The following KIAA1217 variants were observed in gnomAD, a reference collection of about 807,000 sequenced individuals.
KIAA1217 encodes sickle tail protein homolog.
KIAA1217 carries 88 observed loss-of-function variants against 163.9 expected under a neutral mutation model. The observed-to-expected ratio is 0.54, with a 90% CI of 0.45 to 0.64. The LOEUF is 0.64. Among genes scored for constraint, KIAA1217 ranks in the 30% least tolerant of loss-of-function variants. The probability of loss-of-function intolerance (pLI) is 0.00; values close to 1 mark genes in which losing one functional copy is unlikely to be tolerated. For missense variants in KIAA1217, 2,372 were observed against 2,475.0 expected, an observed-to-expected ratio of 0.96 and a Z score of 0.88; for synonymous variants, 903 against 923.1, an observed-to-expected ratio of 0.98 and a Z score of 0.39.
chr10:23,907,337 GGAGA>G, intron 1 of KIAA1217, among the ~76,000 whole-genome samples: 1 of 149,556 alleles, frequency 6.7e-6, no homozygotes, highest in African/African-American at 2.4e-5. Flanking sequence ...AGAGAGAGAT[GGAGA>G]GAGAGAGAAG....
intron 6 of KIAA1217, chr10:24,481,565 A>G (rs1390576863): frequency 6.6e-6 from 1 of 152,192 alleles, no homozygotes; most frequent in African/African-American, 2.4e-5. Flanking sequence ...CCTTGAAAAC[A>G]ATGAGGAACG....
At chr10:24,298,028 GT>G (rs534427683) in intron 2 of KIAA1217, among the ~76,000 whole-genome samples, 362 of 152,108 alleles carry the variant, frequency 2.4e-3, no homozygotes, top group African/African-American at 8.6e-3. Context: ...GTGAAAAAGT[GT>G]TTTTATTAAT....
intron 1 of KIAA1217, among the ~76,000 whole-genome samples, chr10:23,798,014 T>G (rs570811546): frequency 1.3e-5 from 2 of 152,312 alleles, no homozygotes; most frequent in South Asian, 4.1e-4. Context: ...AATTCTTTTT[T>G]TAGTCACAAG....
At chr10:23,835,917 T>A (rs1304910307) in intron 1 of KIAA1217, among the ~76,000 whole-genome samples, 1 of 152,166 alleles carries the variant, frequency 6.6e-6, no homozygotes, top group Non-Finnish European at 1.5e-5. Flanking sequence ...GAACTCCTGT[T>A]ATGGGATGGA....
chr10:23,935,891 C>G (rs1266484453), intron 1 of KIAA1217, among the ~76,000 whole-genome samples: 1 of 152,088 alleles, frequency 6.6e-6, no homozygotes, highest in African/African-American at 2.4e-5. Context: ...AGGGTCCCAA[C>G]AGAAAACAGA....
intron 2 of KIAA1217, among the ~76,000 whole-genome samples, chr10:24,120,865 G>A (rs984684939): frequency 6.6e-6 from 1 of 152,132 alleles, no homozygotes; most frequent in African/African-American, 2.4e-5. Flanking sequence ...ACATCCTGTG[G>A]TACAAGGAGA....
At chr10:23,934,221 G>C (rs536442162) in intron 1 of KIAA1217, among the ~76,000 whole-genome samples, 1 of 152,162 alleles carries the variant, frequency 6.6e-6, no homozygotes, top group African/African-American at 2.4e-5. Context: ...AAAAGAATGA[G>C]ATCATGTCCT....
chr10:24,466,722 T>C, intron 5 of KIAA1217: 1 of 985,466 alleles, frequency 1.0e-6, no homozygotes, highest in Non-Finnish European at 1.2e-6. Context: ...AAAGGAATCA[T>C]GTAATCAGGA....
rs147213392 is a variant in KIAA1217 at position 24,486,394 on chromosome 10, A to G, written c.1680-8106A>G. The stretch of plus-strand genomic sequence containing the variant: ...AGGGTATCCCTATTGTCCTTGTACA[A>G]TACTTGCAATGACCAATGGCTCCCC... On this transcript the variant is annotated intron_variant, in intron 6 of 20. Coordinates refer to ENST00000376454, the MANE Select transcript of KIAA1217 (RefSeq NM_019590.5). 7.9e-4 allele frequency among the ~76,000 whole-genome samples: 120 copies of G among 152,290 alleles called. No homozygotes were observed. In the South Asian group the frequency reaches 8.3e-3, roughly 11 times the overall value.
intron 2 of KIAA1217, among the ~76,000 whole-genome samples, chr10:24,278,405 G>C (rs569118216): frequency 4.6e-5 from 7 of 152,340 alleles, no homozygotes; most frequent in Admixed American, 2.6e-4. Context: ...GTGTGGCTTA[G>C]AGAAAGCTGT....
chr10:24,269,256 T>TAATC (rs2076551648), intron 2 of KIAA1217, among the ~76,000 whole-genome samples: 1 of 148,440 alleles, frequency 6.7e-6, no homozygotes, highest in African/African-American at 2.5e-5. Flanking sequence ...GGCGCAGTGG[T>TAATC]TCACACTTGT....
chr10:24,079,126 C>A (rs2131648035), intron 2 of KIAA1217, among the ~76,000 whole-genome samples: 1 of 152,332 alleles, frequency 6.6e-6, no homozygotes, highest in South Asian at 2.1e-4. Context: ...ACTTCACCCT[C>A]CATTACTGGA....
chr10:24,270,337 A>C (rs1437591714), intron 2 of KIAA1217, among the ~76,000 whole-genome samples: 2 of 152,126 alleles, frequency 1.3e-5, no homozygotes, highest in Admixed American at 1.3e-4. Context: ...TCCCCCACTT[A>C]CTGGGTTTCC....
At chr10:24,536,589 C>T (rs1205262633) in intron 16 of KIAA1217, among the ~76,000 whole-genome samples, 185 bp from the exon 17 acceptor site, 2 of 152,120 alleles carry the variant, frequency 1.3e-5, no homozygotes, top group African/African-American at 4.8e-5. Flanking sequence ...GACTCTGCCT[C>T]CAAGCCAGCT....
At chr10:24,063,701 G>A (rs2060823821) in intron 2 of KIAA1217, among the ~76,000 whole-genome samples, 1 of 152,142 alleles carries the variant, frequency 6.6e-6, no homozygotes, top group Non-Finnish European at 1.5e-5. Flanking sequence ...GCTTGATGGG[G>A]ATGGCACTGA....
At chr10:23,945,572 C>G (rs2131343597) in intron 1 of KIAA1217, among the ~76,000 whole-genome samples, 1 of 152,212 alleles carries the variant, frequency 6.6e-6, no homozygotes, top group South Asian at 2.1e-4. Flanking sequence ...TATCAAAACT[C>G]AACACATTTT....
At chr10:23,981,258 A>G (rs902794265) in intron 1 of KIAA1217, among the ~76,000 whole-genome samples, 1 of 152,220 alleles carries the variant, frequency 6.6e-6, no homozygotes, top group African/African-American at 2.4e-5. Context: ...TGAAATTATA[A>G]TACTTTAGAT....
intron 1 of KIAA1217, among the ~76,000 whole-genome samples, chr10:23,923,279 C>A (rs1042747078): frequency 6.6e-6 from 1 of 152,156 alleles, no homozygotes; most frequent in Admixed American, 6.5e-5. Flanking sequence ...CATATTTTTG[C>A]AATTGCAAAT....
At chr10:23,763,954 A>G (rs1201336083) in intron 1 of KIAA1217, among the ~76,000 whole-genome samples, 3 of 152,232 alleles carry the variant, frequency 2.0e-5, no homozygotes, top group Non-Finnish European at 4.4e-5. Flanking sequence ...AAAATAGACA[A>G]ATGGGATCTA....
Sources: allele counts gnomAD v4.1 joint callset (sites outside exome capture counted in the v4.1 genomes callset), GRCh38; gene constraint gnomAD v4.1.1; transcripts MANE v1.5; gene names NCBI Gene and HGNC (gene_info 2026-07-23, HGNC 2026-07-21).